TAGLN2: variants seen among roughly 807,000 people sequenced by gnomAD.
TAGLN2 encodes the protein transgelin-2.
A neutral mutation model predicts 24.9 loss-of-function variants in TAGLN2; 14 were observed. The ratio of observed to expected loss-of-function variants is 0.56; its 90% CI spans 0.37 to 0.88. The LOEUF (loss-of-function observed/expected upper bound fraction) is 0.88. TAGLN2 is among the 40% of genes least tolerant of loss of function. TAGLN2 has a pLI of 0.00. For missense variants in TAGLN2, 208 were observed against 258.9 expected, an observed-to-expected ratio of 0.80 and a Z score of 1.35; for synonymous variants, 77 against 98.2, an observed-to-expected ratio of 0.78 and a Z score of 1.28.
At position 159,919,790 on chromosome 1, in the gene TAGLN2, G is replaced by A; in HGVS notation, c.226C>T (p.Pro76Ser). Residue 76 changes from proline to serine, a missense_variant, in exon 3 of 5, where the codon CCA (proline) becomes TCA (serine). Transcript: ENST00000368097. ...GTGGAGGCCTGGATCTTCTTTACTGGGGCCTGCCCCTCGGGGTACAGTGCA... is the reference window on the plus strand; with the variant it reads ...GTGGAGGCCTGGATCTTCTTTACTGAGGCCTGCCCCTCGGGGTACAGTGCA... ...INALYPEGQA[P>S]VKKIQASTMA... 1 of 1,614,082 alleles carries A rather than the reference G, an allele frequency of 6.2e-7. No homozygotes were observed. The highest frequency in any genetic ancestry group is 2.2e-5 in the East Asian group (1 of 44,868).
chr1:159,919,996 G>C (rs561953501), intron 2 of TAGLN2, 161 bp from the exon 3 acceptor site: 5 of 852,516 alleles, frequency 5.9e-6, no homozygotes, highest in Non-Finnish European at 9.4e-6. Context: ...AGTCCTTCTT[G>C]CCAGCCTCCT....
At chr1:159,920,587 G>T (rs1296664219) in intron 1 of TAGLN2, 50 bp from the exon 2 acceptor site, 2 of 1,570,434 alleles carry the variant, frequency 1.3e-6, no homozygotes, top group Non-Finnish European at 1.7e-6. Flanking sequence ...GCAGCCTGGG[G>T]AGTGGGGAAT....
Position 159,918,782 on chromosome 1 carries a change from G to A in TAGLN2, c.*18C>T, listed in dbSNP as rs1650424069. The stretch of plus-strand genomic sequence containing the variant: ...ATTAACCATTCGTGGGAGGGCAGGG[G>A]CAAGGCCTGGGGTGGGATCAGAGGA... On this transcript the variant is annotated 3_prime_UTR_variant, in exon 5 of 5. Transcript: ENST00000368097. The A allele has an allele frequency of 1.2e-6, 2 of 1,612,228 alleles. No individual in the cohort carries two copies. The highest frequency in any genetic ancestry group is 1.1e-5 in the South Asian group (1 of 90,932).
chr1:159,920,542 G>A lies in TAGLN2; in HGVS notation c.-28-5C>T. 1 of 1,611,540 alleles carries A rather than the reference G, an allele frequency of 6.2e-7. No homozygotes were observed. The highest frequency in any genetic ancestry group is 1.1e-5 in the South Asian group (1 of 90,914). ...GGTGGCGGTGGCTGCGGGGAGCTAG[G>A]GAGAGGACACACCCGGGCTTTTGGT... On this transcript the variant is annotated splice_region_variant and splice_polypyrimidine_tract_variant and intron_variant, in intron 1 of 4. Coordinates refer to ENST00000368097, the MANE Select transcript of TAGLN2 (RefSeq NM_003564.3).
In TAGLN2 at chr1:159,923,534, C is replaced by T. The variant is rs1035330801; in HGVS notation, c.-29+1916G>A. On this transcript the variant is annotated intron_variant, in intron 1 of 4. Transcript: ENST00000368097. Reference sequence around the variant, plus strand: ...GTGTTTAATTGGGAAGACAAAGGGACTCTCCATCCACCGTGCAGATGGAAC... The same window carrying T: ...GTGTTTAATTGGGAAGACAAAGGGATTCTCCATCCACCGTGCAGATGGAAC... 2.0e-6 allele frequency: 3 copies of T among 1,505,418 alleles called. No individual in the cohort carries two copies. In the African/African-American group the frequency reaches 4.2e-5, roughly 21 times the overall value. 93.3% of individuals were successfully genotyped at this position (1,505,418 alleles called of 1,614,324 possible).
chr1:159,920,750 G>A (rs1650504130), intron 1 of TAGLN2, among the ~76,000 whole-genome samples: 1 of 152,176 alleles, frequency 6.6e-6, no homozygotes, highest in Non-Finnish European at 1.5e-5. Flanking sequence ...AACAGCTTAG[G>A]AAACTGGTTG....
chr1:159,919,578 C>T (rs1650458626), intron 3 of TAGLN2, 83 bp downstream of exon 3: 1 of 1,531,088 alleles, frequency 6.5e-7, no homozygotes, highest in Non-Finnish European at 8.9e-7. Flanking sequence ...AGCCAGAAAA[C>T]AGCCCCTTCT....
intron 1 of TAGLN2, among the ~76,000 whole-genome samples, chr1:159,921,049 G>A (rs1047910082): frequency 6.6e-6 from 1 of 152,192 alleles, no homozygotes; most frequent in South Asian, 2.1e-4. Context: ...AAGGCTTTCT[G>A]GAAGAGGTAG....
Position 159,919,380 on chromosome 1 carries a change from G to C in TAGLN2, c.356-4C>G. 6.2e-7 allele frequency: 1 copy of C among 1,614,088 alleles called. No homozygotes were observed. The highest frequency in any genetic ancestry group is 8.5e-7 in the Non-Finnish European group (1 of 1,179,946). ...TGCACACAGGCCATGTTCTTTCCTG[G>C]GAAGGAGAATGGGAATGTGTCAGCC... On this transcript the variant is annotated splice_polypyrimidine_tract_variant and splice_region_variant and intron_variant, in intron 3 of 4. Transcript: ENST00000368097.
chr1:159,921,322 G>T (rs906931916), intron 1 of TAGLN2, among the ~76,000 whole-genome samples: 1 of 152,130 alleles, frequency 6.6e-6, no homozygotes, highest in African/African-American at 2.4e-5. Context: ...TAATCACAAG[G>T]GCCTTACTAA....
intron 1 of TAGLN2, among the ~76,000 whole-genome samples, chr1:159,924,847 C>T (rs1377675971): frequency 6.6e-6 from 1 of 152,168 alleles, no homozygotes; most frequent in Non-Finnish European, 1.5e-5. Flanking sequence ...CCCAGACCCC[C>T]GAGGTCAGGG....
At chr1:159,923,552 G>T (rs1211671008) in intron 1 of TAGLN2, 1 of 1,435,830 alleles carries the variant, frequency 7.0e-7, no homozygotes, top group African/African-American at 1.4e-5. Context: ...CCACCGTGCA[G>T]ATGGAACACA....
rs145402468 is a variant in TAGLN2, at chr1:159,920,511, C to A, written c.-2G>T. ...ATATGCAGGTCCCCTGTTGGCCATT[C>A]CAATGGGTGGCGGTGGCTGCGGGGA... is the stretch of plus-strand genomic sequence containing the variant. On this transcript the variant is annotated 5_prime_UTR_variant, in exon 2 of 5. Coordinates refer to ENST00000368097, the MANE Select transcript of TAGLN2 (RefSeq NM_003564.3). 2.0e-4 allele frequency: 324 copies of A among 1,613,890 alleles called. No homozygotes were observed. Among genetic ancestry groups the A allele is most frequent in the Middle Eastern group, 1.5e-3 (9 of 6,080 alleles).
At position 159,920,494 on chromosome 1, in the gene TAGLN2, G is replaced by A. The variant is rs1650494506; in HGVS notation, c.16C>T (p.Pro6Ser). ...ACCTCCCGGCTCAGGCCATATGCAGGTCCCCTGTTGGCCATTCCAATGGGT... is the reference window on the plus strand; with the variant it reads ...ACCTCCCGGCTCAGGCCATATGCAGATCCCCTGTTGGCCATTCCAATGGGT... Reference protein sequence around the residue: MANRGPAYGLSREVQQ... With the variant: MANRGSAYGLSREVQQ... Residue 6 changes from proline to serine, a missense_variant, in exon 2 of 5, where the codon CCT becomes TCT. Coordinates refer to ENST00000368097, the MANE Select transcript of TAGLN2 (RefSeq NM_003564.3). The A allele has an allele frequency of 6.2e-7, 1 of 1,614,220 alleles. No individual in the cohort carries two copies. Among genetic ancestry groups the A allele is most frequent in the Non-Finnish European group, 8.5e-7 (1 of 1,180,038 alleles).
At chr1:159,919,155 A>G (rs751228195) in intron 4 of TAGLN2, 119 bp downstream of exon 4, 2 of 1,268,722 alleles carry the variant, frequency 1.6e-6, no homozygotes. Flanking sequence ...GAGATGAGGA[A>G]TTTTCTGAAA....
intron 1 of TAGLN2, among the ~76,000 whole-genome samples, chr1:159,923,017 C>T (rs950638455): frequency 3.3e-5 from 5 of 152,248 alleles, no homozygotes; most frequent in African/African-American, 1.2e-4. Flanking sequence ...TGAGAAGGGG[C>T]AGTTCCAACC....
At chr1:159,922,095 C>T (rs1419017636) in intron 1 of TAGLN2, among the ~76,000 whole-genome samples, 1 of 152,206 alleles carries the variant, frequency 6.6e-6, no homozygotes, top group Non-Finnish European at 1.5e-5. Context: ...ACTCCAGCTC[C>T]CCCTCTCCCA....
At chr1:159,921,866 C>T (rs1433101389) in intron 1 of TAGLN2, among the ~76,000 whole-genome samples, 1 of 152,208 alleles carries the variant, frequency 6.6e-6, no homozygotes, top group East Asian at 1.9e-4. Flanking sequence ...GTATGGATGC[C>T]AAGGGGAGCC....
intron 1 of TAGLN2, chr1:159,923,561 C>T (rs1650604723): frequency 7.4e-7 from 1 of 1,350,968 alleles, no homozygotes; most frequent in African/African-American, 1.5e-5. Context: ...AGATGGAACA[C>T]AGGAGAACTT....
Sources: allele counts gnomAD v4.1 joint callset (sites outside exome capture counted in the v4.1 genomes callset), GRCh38; gene constraint gnomAD v4.1.1; transcripts MANE v1.5; gene names NCBI Gene and HGNC (gene_info 2026-07-23, HGNC 2026-07-21).